The following GAREM1 variants were observed in gnomAD, a reference collection of about 807,000 sequenced individuals.
GAREM1 encodes GRB2-associated and regulator of MAPK protein 1.
In GAREM1, 26 loss-of-function variants were observed where a neutral mutation model predicts 71.3. The ratio of observed to expected loss-of-function variants is 0.36; its 90% CI spans 0.27 to 0.51. The LOEUF (loss-of-function observed/expected upper bound fraction) is 0.51. GAREM1 is among the 20% of genes least tolerant of loss of function. GAREM1 has a pLI of 0.95. For missense variants in GAREM1, 1,026 were observed against 1,103.1 expected, an observed-to-expected ratio of 0.93 and a Z score of 0.99; for synonymous variants, 440 against 433.2, an observed-to-expected ratio of 1.02 and a Z score of -0.20.
At chr18:32,384,581 T>C (rs1360502678) in intron 2 of GAREM1, among the ~76,000 whole-genome samples, 1 of 152,240 alleles carries the variant, frequency 6.6e-6, no homozygotes, top group Non-Finnish European at 1.5e-5. Context: ...TTATGTCCAC[T>C]TTTGCTCGAG....
intron 3 of GAREM1, among the ~76,000 whole-genome samples, chr18:32,300,008 T>C (rs1032907826): frequency 6.6e-6 from 1 of 152,214 alleles, no homozygotes; most frequent in African/African-American, 2.4e-5. Flanking sequence ...CTGAGTGCTT[T>C]AATCAATTAT....
chr18:32,268,074 C>T lies in GAREM1; in HGVS notation c.2428G>A (p.Gly810Arg). 6.2e-7 allele frequency: 1 copy of T among 1,614,110 alleles called. No individual in the cohort carries two copies. The highest frequency in any genetic ancestry group is 8.5e-7 in the Non-Finnish European group (1 of 1,180,000). Residue 810 changes from glycine to arginine, a missense_variant, in exon 6 of 6, where the codon GGA becomes AGA. Coordinates refer to ENST00000269209, the MANE Select transcript of GAREM1 (RefSeq NM_001242409.2). ...TTGGACACTTCCTCTATAGAGAGTC[C>T]TGATAGGTCAGCAGGTGGCTGCCAT... is the stretch of plus-strand genomic sequence containing the variant. ...SPWQPPADLS[G>R]LSIEEVSKSL...
intron 3 of GAREM1, among the ~76,000 whole-genome samples, chr18:32,289,852 GT>G (rs1241770690): frequency 6.6e-6 from 1 of 152,172 alleles, no homozygotes; most frequent in Non-Finnish European, 1.5e-5. Flanking sequence ...TGGTGCTGAG[GT>G]TGAGAAACGC....
At chr18:32,431,228 A>G (rs2048621594) in intron 1 of GAREM1, among the ~76,000 whole-genome samples, 1 of 152,204 alleles carries the variant, frequency 6.6e-6, no homozygotes, top group Admixed American at 6.5e-5. Flanking sequence ...AAACATGACT[A>G]AGGGAAAAAA....
chr18:32,384,947 A>G (rs1026100583), intron 2 of GAREM1, among the ~76,000 whole-genome samples: 15 of 152,334 alleles, frequency 9.8e-5, no homozygotes, highest in African/African-American at 3.1e-4. Context: ...TACAGCAGCT[A>G]TGAAATTTAA....
chr18:32,372,205 GA>G (rs1598997906), intron 2 of GAREM1, among the ~76,000 whole-genome samples: 2 of 152,298 alleles, frequency 1.3e-5, no homozygotes, highest in East Asian at 3.9e-4. Flanking sequence ...AAAGCAGACA[GA>G]AAATATTTAC....
At chr18:32,275,685 T>G (rs2041531640) in intron 4 of GAREM1, among the ~76,000 whole-genome samples, 1 of 152,136 alleles carries the variant, frequency 6.6e-6, no homozygotes, top group African/African-American at 2.4e-5. Context: ...TAAGTCTATC[T>G]CTTTTTTTTT....
At chr18:32,404,698 AATCTT>A (rs2048349287) in intron 1 of GAREM1, among the ~76,000 whole-genome samples, 1 of 152,208 alleles carries the variant, frequency 6.6e-6, no homozygotes, top group Non-Finnish European at 1.5e-5. Flanking sequence ...GCAAATATAT[AATCTT>A]ATATGACAGA....
In GAREM1 at chr18:32,266,959, T is replaced by C. The variant is rs2041382036; in HGVS notation, c.*912A>G. 1 of 152,218 alleles carries C rather than the reference T, an allele frequency of 6.6e-6. No individual in the cohort carries two copies. The highest frequency in any genetic ancestry group is 1.5e-5 in the Non-Finnish European group (1 of 68,036). The allele number at this position is 152,218 out of a possible 1,614,324, so 9.4% of individuals were successfully genotyped here. On this transcript the variant is annotated 3_prime_UTR_variant, in exon 6 of 6. Coordinates refer to ENST00000269209, the MANE Select transcript of GAREM1 (RefSeq NM_001242409.2). The stretch of plus-strand genomic sequence containing the variant: ...AATTCTTCAATACAGGATTCTTTAC[T>C]GATTTGTTCTAAGTTTTCAGTGATG...
chr18:32,429,161 G>A (rs2048601762), intron 1 of GAREM1, among the ~76,000 whole-genome samples: 1 of 152,094 alleles, frequency 6.6e-6, no homozygotes, highest in Non-Finnish European at 1.5e-5. Context: ...ATCAATTAAA[G>A]GGAAATGCCC....
intron 2 of GAREM1, among the ~76,000 whole-genome samples, chr18:32,322,014 C>T (rs572166829): frequency 2.6e-5 from 4 of 152,298 alleles, no homozygotes; most frequent in African/African-American, 9.6e-5. Flanking sequence ...CCACCACTGG[C>T]CTCAAGGGAC....
chr18:32,417,228 G>A (rs2048474030), intron 1 of GAREM1, among the ~76,000 whole-genome samples: 1 of 152,176 alleles, frequency 6.6e-6, no homozygotes, highest in Admixed American at 6.5e-5. Flanking sequence ...ACAAATGCCG[G>A]CAAGGGCATG....
intron 2 of GAREM1, among the ~76,000 whole-genome samples, chr18:32,357,964 C>G (rs1016663232): frequency 6.6e-6 from 1 of 152,178 alleles, no homozygotes; most frequent in Non-Finnish European, 1.5e-5. Flanking sequence ...TATTGTTACT[C>G]TAGATATTTC....
chr18:32,324,026 G>A (rs1167901427), intron 2 of GAREM1, among the ~76,000 whole-genome samples: 2 of 152,080 alleles, frequency 1.3e-5, no homozygotes, highest in East Asian at 3.9e-4. Flanking sequence ...AAATAAACAT[G>A]ATTTCAACCC....
At chr18:32,449,056 G>C (rs2048809431) in intron 1 of GAREM1, among the ~76,000 whole-genome samples, 1 of 152,176 alleles carries the variant, frequency 6.6e-6, no homozygotes, top group Non-Finnish European at 1.5e-5. Context: ...GGAAAGGCAG[G>C]CCAGAGTTTA....
chr18:32,431,543 G>A (rs560644810), intron 1 of GAREM1, among the ~76,000 whole-genome samples: 1 of 152,204 alleles, frequency 6.6e-6, no homozygotes, highest in Admixed American at 6.5e-5. Context: ...CAGGAGAATC[G>A]CTGGAACCCA....
At chr18:32,321,271 A>G (rs2047425610) in intron 2 of GAREM1, among the ~76,000 whole-genome samples, 1 of 152,162 alleles carries the variant, frequency 6.6e-6, no homozygotes, top group Non-Finnish European at 1.5e-5. Flanking sequence ...TAGCTTATGC[A>G]AACATTTCCC....
chr18:32,399,678 C>T (rs1009202383), intron 1 of GAREM1, among the ~76,000 whole-genome samples: 11 of 152,082 alleles, frequency 7.2e-5, no homozygotes, highest in East Asian at 1.9e-4. Context: ...AAACAGGACA[C>T]GAACAAATGG....
intron 1 of GAREM1, among the ~76,000 whole-genome samples, chr18:32,465,370 T>G (rs984744058): frequency 2.0e-5 from 3 of 152,182 alleles, no homozygotes; most frequent in African/African-American, 7.2e-5. Context: ...ACTTGGAGCC[T>G]CCCTGGGGCC....
Sources: allele counts gnomAD v4.1 joint callset (sites outside exome capture counted in the v4.1 genomes callset), GRCh38; gene constraint gnomAD v4.1.1; transcripts MANE v1.5; gene names NCBI Gene and HGNC (gene_info 2026-07-23, HGNC 2026-07-21).